The following SIPA1L2 variants were observed in gnomAD, a reference collection of about 807,000 sequenced individuals.
SIPA1L2 encodes the protein signal induced proliferation associated 1 like 2, also known as signal-induced proliferation-associated 1-like protein 2.
SIPA1L2 carries 56 observed loss-of-function variants against 163.9 expected under a neutral mutation model. The ratio of observed to expected loss-of-function variants is 0.34; its 90% CI spans 0.28 to 0.43. The LOEUF (loss-of-function observed/expected upper bound fraction) is 0.43, where lower values mean the gene tolerates loss of function less well. Among genes scored for constraint, SIPA1L2 ranks in the 20% least tolerant of loss-of-function variants. SIPA1L2 has a pLI of 1.00. For missense variants in SIPA1L2, 1,974 were observed against 2,193.5 expected (o/e 0.90, Z 2.00); for synonymous variants, 877 against 865.7 (o/e 1.01, Z -0.23).
At chr1:232,439,018 A>C (rs777996093) in intron 15 of SIPA1L2, 90 bp downstream of exon 15, 1 of 1,373,750 alleles carries the variant, frequency 7.3e-7, no homozygotes, top group Non-Finnish European at 9.6e-7. Flanking sequence ...TGATGCCCCT[A>C]CTGCTTACAG....
At chr1:232,600,641 T>C (rs1397312477) in intron 1 of SIPA1L2, among the ~76,000 whole-genome samples, 2 of 152,320 alleles carry the variant, frequency 1.3e-5, no homozygotes, top group African/African-American at 4.8e-5. Flanking sequence ...AGCGTGCCTG[T>C]TGGATGACAT....
intron 1 of SIPA1L2, among the ~76,000 whole-genome samples, chr1:232,608,547 A>G (rs888608001): frequency 6.6e-6 from 1 of 152,190 alleles, no homozygotes; most frequent in African/African-American, 2.4e-5. Flanking sequence ...CTCTTCCTCT[A>G]CCCTCTGAGT....
intron 7 of SIPA1L2, among the ~76,000 whole-genome samples, chr1:232,473,747 T>C (rs917180910): frequency 1.3e-5 from 2 of 152,182 alleles, no homozygotes; most frequent in African/African-American, 4.8e-5. Flanking sequence ...AATTTAACCA[T>C]GGCCACATAA....
At chr1:232,445,340 C>G (rs527772519) in intron 11 of SIPA1L2, among the ~76,000 whole-genome samples, 189 bp downstream of exon 11, 1 of 152,154 alleles carries the variant, frequency 6.6e-6, no homozygotes, top group Non-Finnish European at 1.5e-5. Context: ...TTACCAGCAC[C>G]ATCTTGGGGC....
At chr1:232,481,467 GC>G (rs1238343298) in intron 6 of SIPA1L2, among the ~76,000 whole-genome samples, 1 of 141,504 alleles carries the variant, frequency 7.1e-6, no homozygotes, top group African/African-American at 2.6e-5. Flanking sequence ...AAGATGCATT[GC>G]GGGGGGGAAA....
rs1201092012 is a variant in SIPA1L2 at position 232,462,695 on chromosome 1, T to C, written c.2821-1534A>G. On this transcript the variant is annotated intron_variant, in intron 9 of 22. Transcript: ENST00000674635. The stretch of plus-strand genomic sequence containing the variant: ...TTTGGTCACTTCTTTTTCAACTTTG[T>C]TCTAAGCAATCCTATCAAAAGACGA... Among the ~76,000 whole-genome samples the C allele has an allele frequency of 2.0e-5, 3 of 152,216 alleles. No homozygotes were observed. In the East Asian group the frequency reaches 5.8e-4, roughly 29 times the overall value.
chr1:232,552,315 G>A (rs893822162), intron 2 of SIPA1L2, among the ~76,000 whole-genome samples: 17 of 152,104 alleles, frequency 1.1e-4, no homozygotes, highest in Admixed American at 9.2e-4. Context: ...TTAGGTAAAA[G>A]GTTGAAATCA....
chr1:232,576,402 G>A (rs1241635075), intron 1 of SIPA1L2, among the ~76,000 whole-genome samples: 1 of 152,192 alleles, frequency 6.6e-6, no homozygotes, highest in African/African-American at 2.4e-5. Flanking sequence ...CTGTTCTAGG[G>A]TGGCATGAGC....
At chr1:232,478,396 T>C (rs960748388) in intron 7 of SIPA1L2, among the ~76,000 whole-genome samples, 5 of 152,210 alleles carry the variant, frequency 3.3e-5, no homozygotes, top group African/African-American at 1.2e-4. Flanking sequence ...TTTCTCATCC[T>C]AGCTGGAGGA....
chr1:232,503,978 G>A (rs1666602699), intron 3 of SIPA1L2, among the ~76,000 whole-genome samples: 2 of 152,120 alleles, frequency 1.3e-5, no homozygotes, highest in Admixed American at 1.3e-4. Context: ...ATTGCTTGAG[G>A]CCAGGAGTTT....
At chr1:232,455,654 G>C (rs1405456611) in intron 10 of SIPA1L2, among the ~76,000 whole-genome samples, 1 of 143,878 alleles carries the variant, frequency 7.0e-6, no homozygotes, top group Non-Finnish European at 1.5e-5. Context: ...GCCGGAGCTT[G>C]CAGTGAGCCG....
intron 3 of SIPA1L2, among the ~76,000 whole-genome samples, chr1:232,503,092 G>A (rs895870624): frequency 2.0e-5 from 3 of 152,062 alleles, no homozygotes; most frequent in Non-Finnish European, 2.9e-5. Flanking sequence ...TTCTTATTCC[G>A]GGCAGAAGAT....
chr1:232,460,351 C>A (rs898726197), intron 10 of SIPA1L2, among the ~76,000 whole-genome samples: 15 of 152,132 alleles, frequency 9.9e-5, no homozygotes, highest in Non-Finnish European at 2.9e-5. Flanking sequence ...ATGATAACGC[C>A]CTGAACCAGT....
chr1:232,524,927 C>T (rs1667622278), intron 2 of SIPA1L2, among the ~76,000 whole-genome samples: 2 of 152,052 alleles, frequency 1.3e-5, no homozygotes, highest in Non-Finnish European at 2.9e-5. Flanking sequence ...TGTATGCTAA[C>T]TTACATATAT....
chr1:232,558,087 C>T (rs564203947), intron 2 of SIPA1L2, among the ~76,000 whole-genome samples: 28 of 152,308 alleles, frequency 1.8e-4, no homozygotes, highest in Middle Eastern at 6.8e-3. Flanking sequence ...AGCCAGTTGC[C>T]ATAGGCTTTT....
At chr1:232,436,101 A>G (rs1198416949) in intron 15 of SIPA1L2, among the ~76,000 whole-genome samples, 1 of 152,206 alleles carries the variant, frequency 6.6e-6, no homozygotes, top group Non-Finnish European at 1.5e-5. Flanking sequence ...TGGATCCCAC[A>G]TTCCTCCTGC....
chr1:232,453,816 T>C (rs1054189002), intron 10 of SIPA1L2, among the ~76,000 whole-genome samples: 5 of 151,830 alleles, frequency 3.3e-5, no homozygotes, highest in Non-Finnish European at 5.9e-5. Flanking sequence ...TATTTTTCAG[T>C]AGGTGCTAAA....
At chr1:232,521,495 G>A (rs565488303) in intron 2 of SIPA1L2, among the ~76,000 whole-genome samples, 2 of 152,306 alleles carry the variant, frequency 1.3e-5, no homozygotes, top group South Asian at 4.1e-4. Context: ...GTTAAATGGA[G>A]CTCTTGGGTG....
At chr1:232,458,066 G>GT (rs1235745676) in intron 10 of SIPA1L2, among the ~76,000 whole-genome samples, 4 of 152,204 alleles carry the variant, frequency 2.6e-5, no homozygotes, top group African/African-American at 9.6e-5. Flanking sequence ...AGAAATGTGG[G>GT]TGATGGGTGT....
Sources: gnomAD v4.1 joint callset for allele counts (sites outside exome capture counted in the v4.1 genomes callset) on GRCh38, gnomAD v4.1.1 for gene constraint, MANE v1.5 for transcripts, NCBI Gene and HGNC (gene_info 2026-07-23, HGNC 2026-07-21) for gene names.